FRMD4A: variants seen among roughly 807,000 people sequenced by gnomAD.
FRMD4A encodes FERM domain containing 4A.
In FRMD4A, 29 loss-of-function variants were observed where a neutral mutation model predicts 129.1. The observed-to-expected ratio is 0.22, with a 90% CI of 0.17 to 0.31. FRMD4A has a LOEUF of 0.31. Ranked by LOEUF, FRMD4A falls within the 10% of genes least tolerant of loss-of-function variation. The pLI, the probability that FRMD4A is intolerant of heterozygous loss-of-function variation, is 1.00. For missense variants in FRMD4A, 1,272 were observed against 1,375.8 expected (o/e 0.92, Z 1.19); for synonymous variants, 634 against 571.6 (o/e 1.11, Z -1.56).
At chr10:14,274,072 G>A (rs912459712) in intron 2 of FRMD4A, among the ~76,000 whole-genome samples, 15 of 152,146 alleles carry the variant, frequency 9.9e-5, no homozygotes, top group African/African-American at 2.7e-4. Context: ...AAGCGTGTTC[G>A]TGCAGAGAAT....
intron 2 of FRMD4A, among the ~76,000 whole-genome samples, chr10:14,090,324 G>A (rs1564281120): frequency 6.6e-6 from 1 of 152,214 alleles, no homozygotes; most frequent in East Asian, 1.9e-4. Context: ...CTAGGACTTG[G>A]AAACAGGAAG....
chr10:14,280,201 T>C (rs574883573), intron 2 of FRMD4A, among the ~76,000 whole-genome samples: 10 of 152,170 alleles, frequency 6.6e-5, no homozygotes, highest in African/African-American at 9.6e-5. Context: ...GGGGGCAGAG[T>C]GGGAGCAGCC....
At chr10:14,091,320 C>G (rs1426695219) in intron 2 of FRMD4A, among the ~76,000 whole-genome samples, 1 of 152,060 alleles carries the variant, frequency 6.6e-6, no homozygotes, top group Non-Finnish European at 1.5e-5. Context: ...ACCACTAGAA[C>G]TCAAATTTGG....
At chr10:13,829,263 A>G (rs186833273) in intron 3 of FRMD4A, among the ~76,000 whole-genome samples, 85 of 152,242 alleles carry the variant, frequency 5.6e-4, no homozygotes, top group Non-Finnish European at 8.8e-4. Context: ...GGTGGCTCAC[A>G]CCTCTAATCC....
chr10:14,139,852 T>G (rs12217676), intron 2 of FRMD4A, among the ~76,000 whole-genome samples: 38,500 of 152,014 alleles, frequency 0.25, 5,852 homozygotes, highest in East Asian at 0.51. Context: ...TCTCTATGAA[T>G]TTTCTACATA....
intron 2 of FRMD4A, among the ~76,000 whole-genome samples, chr10:14,036,443 G>A (rs1457582233): frequency 2.0e-5 from 3 of 152,172 alleles, no homozygotes; most frequent in Admixed American, 6.5e-5. Context: ...CTTCCTGTTC[G>A]GAGTCTGCAG....
intron 11 of FRMD4A, among the ~76,000 whole-genome samples, chr10:13,738,159 C>A (rs2090758295): frequency 6.6e-6 from 1 of 152,104 alleles, no homozygotes; most frequent in Admixed American, 6.6e-5. Context: ...CCTGGCTCTG[C>A]TCTTAATCAG....
chr10:13,846,702 C>T (rs975704434), intron 3 of FRMD4A, among the ~76,000 whole-genome samples: 1 of 152,224 alleles, frequency 6.6e-6, no homozygotes, highest in Non-Finnish European at 1.5e-5. Flanking sequence ...CTGTACTCCT[C>T]ACCTCTCTGA....
At chr10:14,237,616 C>T (rs900781829) in intron 2 of FRMD4A, among the ~76,000 whole-genome samples, 4 of 152,158 alleles carry the variant, frequency 2.6e-5, no homozygotes, top group African/African-American at 7.2e-5. Context: ...CAGACGTGAG[C>T]CACTGCACCT....
rs897818054 is a variant in FRMD4A, at chr10:13,737,422, T to C, written c.759+422A>G. Among the ~76,000 whole-genome samples the C allele has an allele frequency of 4.6e-5, 7 of 152,304 alleles. 1 individual carries two copies. In the South Asian group the frequency reaches 1.2e-3, roughly 27 times the overall value. On this transcript the variant is annotated intron_variant, in intron 12 of 24. Transcript: ENST00000357447. ...TCTTTTTGACCTGCAATCTCTTCTT[T>C]CAGCTCTCCCACCTCCCCTGATCCT...
chr10:14,174,879 C>CTGTCTG (rs1841654563), intron 2 of FRMD4A, among the ~76,000 whole-genome samples: 1 of 87,558 alleles, frequency 1.1e-5, no homozygotes, highest in East Asian at 3.1e-4. Context: ...GTGTGTGTGT[C>CTGTCTG]TGTGTGTGTG....
chr10:13,676,428 ATTTTTT>A (rs60180649), intron 15 of FRMD4A, among the ~76,000 whole-genome samples: 1 of 128,886 alleles, frequency 7.8e-6, no homozygotes, highest in East Asian at 2.3e-4. Flanking sequence ...ACACCCAGCT[ATTTTTT>A]TTTTTTTTTT....
At chr10:14,134,428 A>C (rs370446974) in intron 2 of FRMD4A, among the ~76,000 whole-genome samples, 2 of 149,562 alleles carry the variant, frequency 1.3e-5, no homozygotes, top group African/African-American at 5.0e-5. Flanking sequence ...GGATAGGTGG[A>C]TGAATGGATA....
Position 14,120,106 on chromosome 10 carries a change from C to T in FRMD4A, c.45+209952G>A, listed in dbSNP as rs543430137. Among the ~76,000 whole-genome samples the T allele has an allele frequency of 5.9e-5, 9 of 151,470 alleles. No individual in the cohort carries two copies. The East Asian group carries it at 1.6e-3, about 26-fold the overall frequency. ...CAGGATGGGCCTGACAATGGGTCCA[C>T]TTCCTTCCATCTCCCAGGAGATAGG... On this transcript the variant is annotated intron_variant, in intron 2 of 24. Coordinates refer to ENST00000357447, the MANE Select transcript of FRMD4A (RefSeq NM_018027.5).
intron 2 of FRMD4A, among the ~76,000 whole-genome samples, chr10:14,185,832 T>G (rs1842123394): frequency 6.6e-6 from 1 of 152,054 alleles, no homozygotes. Context: ...CAGGGCCCAG[T>G]GGAGACAGCC....
intron 3 of FRMD4A, among the ~76,000 whole-genome samples, chr10:13,818,625 T>C (rs992756649): frequency 7.9e-5 from 12 of 152,200 alleles, no homozygotes; most frequent in Middle Eastern, 3.2e-3. Context: ...CCTGTCTTTC[T>C]TATATAATTT....
intron 8 of FRMD4A, among the ~76,000 whole-genome samples, chr10:13,751,091 G>A (rs2091601629): frequency 6.6e-6 from 1 of 152,166 alleles, no homozygotes; most frequent in East Asian, 1.9e-4. Flanking sequence ...GCAATTAGTG[G>A]CTCCCTGAAG....
intron 2 of FRMD4A, among the ~76,000 whole-genome samples, chr10:13,904,625 A>C (rs1408687810): frequency 6.6e-6 from 1 of 152,220 alleles, no homozygotes; most frequent in Non-Finnish European, 1.5e-5. Context: ...ATTTCACTTT[A>C]TCACTTTCTT....
chr10:14,089,219 C>T (rs1004102908), intron 2 of FRMD4A, among the ~76,000 whole-genome samples: 3 of 152,220 alleles, frequency 2.0e-5, no homozygotes, highest in African/African-American at 7.2e-5. Flanking sequence ...TGTTTTCCCA[C>T]AGGCCCCTGG....
Sources: gnomAD v4.1 joint callset for allele counts (sites outside exome capture counted in the v4.1 genomes callset) on GRCh38, gnomAD v4.1.1 for gene constraint, MANE v1.5 for transcripts, NCBI Gene and HGNC (gene_info 2026-07-23, HGNC 2026-07-21) for gene names.